The following PTPRD variants were observed in gnomAD, a reference collection of about 807,000 sequenced individuals.
PTPRD encodes protein tyrosine phosphatase receptor type D.
In PTPRD, 34 loss-of-function variants were observed where a neutral mutation model predicts 214.5. That is an observed-to-expected ratio of 0.16 (90% CI 0.12 to 0.21). The LOEUF (loss-of-function observed/expected upper bound fraction) is 0.21, where lower values mean the gene tolerates loss of function less well. Among genes scored for constraint, PTPRD ranks in the 10% least tolerant of loss-of-function variants. The pLI, the probability that PTPRD is intolerant of heterozygous loss-of-function variation, is 1.00. For synonymous variants in PTPRD, 1,128 were observed against 845.7 expected, an observed-to-expected ratio of 1.33 and a Z score of -5.79; for missense variants, 2,545 against 2,398.7, an observed-to-expected ratio of 1.06 and a Z score of -1.27.
At chr9:8,324,479 TTTTC>T (rs1293143533) in intron 44 of PTPRD, among the ~76,000 whole-genome samples, 1 of 152,214 alleles carries the variant, frequency 6.6e-6, no homozygotes, top group African/African-American at 2.4e-5. Flanking sequence ...ATGTGCCGCA[TTTTC>T]TTTATCCAAT....
At chr9:9,947,977 G>C (rs1045322012) in intron 4 of PTPRD, among the ~76,000 whole-genome samples, 1 of 151,766 alleles carries the variant, frequency 6.6e-6, no homozygotes, top group Non-Finnish European at 1.5e-5. Context: ...CTTGTTGCAG[G>C]AATATCCTGG....
At chr9:9,315,601 C>A (rs1347773612) in intron 9 of PTPRD, among the ~76,000 whole-genome samples, 1 of 151,654 alleles carries the variant, frequency 6.6e-6, no homozygotes, top group Non-Finnish European at 1.5e-5. Context: ...TTTTGATTCC[C>A]TAAATATACT....
At chr9:10,095,490 C>G (rs1009196222) in intron 3 of PTPRD, among the ~76,000 whole-genome samples, 2 of 151,474 alleles carry the variant, frequency 1.3e-5, no homozygotes, top group Admixed American at 6.6e-5. Context: ...GCAGTCTTAT[C>G]CCTTCTGATT....
intron 10 of PTPRD, among the ~76,000 whole-genome samples, chr9:9,067,035 G>C (rs1457905537): frequency 6.6e-6 from 1 of 152,190 alleles, no homozygotes; most frequent in Non-Finnish European, 1.5e-5. Context: ...CTGAGGTCAG[G>C]AGTTGGAGAC....
intron 8 of PTPRD, among the ~76,000 whole-genome samples, chr9:9,513,708 C>T (rs979629342): frequency 7.2e-5 from 11 of 151,844 alleles, no homozygotes; most frequent in Admixed American, 3.3e-4. Flanking sequence ...AGTAAACAAA[C>T]AGGTTTAGCC....
intron 2 of PTPRD, among the ~76,000 whole-genome samples, chr9:10,446,366 A>C (rs2098799161): frequency 6.7e-6 from 1 of 148,632 alleles, no homozygotes; most frequent in African/African-American, 2.5e-5. Context: ...TATAAGAACT[A>C]TTGAAGAGTA....
intron 12 of PTPRD, among the ~76,000 whole-genome samples, chr9:8,680,389 G>C (rs1398034857): frequency 1.3e-5 from 2 of 152,070 alleles, no homozygotes; most frequent in Admixed American, 1.3e-4. Context: ...CCACTCCCAG[G>C]ATATGTTTTC....
chr9:8,477,807 AG>A, intron 30 of PTPRD, among the ~76,000 whole-genome samples: 1 of 151,932 alleles, frequency 6.6e-6, no homozygotes, highest in South Asian at 2.1e-4. Flanking sequence ...CAATTGACCT[AG>A]GAAAAAAAAA....
intron 4 of PTPRD, among the ~76,000 whole-genome samples, chr9:9,996,947 A>G (rs79119056): frequency 0.015 from 2,357 of 152,332 alleles, 26 homozygotes; most frequent in Non-Finnish European, 0.024. Flanking sequence ...AACATTTAAC[A>G]AACCAGGAAG....
chr9:10,079,324 C>T (rs150539707), intron 3 of PTPRD, among the ~76,000 whole-genome samples: 1 of 152,138 alleles, frequency 6.6e-6, no homozygotes, highest in African/African-American at 2.4e-5. Flanking sequence ...CACTGTTGGC[C>T]ACGTATGCAG....
Position 8,610,295 on chromosome 9 carries a change from G to A in PTPRD, c.352+23022C>T, listed in dbSNP as rs184961832. On this transcript the variant is annotated intron_variant, in intron 14 of 45. Transcript: ENST00000381196. ...TTTTTTGTAAAGCACTTAGCATACT[G>A]TTCGGCACATATTAAATACTCAATA... is the stretch of plus-strand genomic sequence containing the variant. Among the ~76,000 whole-genome samples, 301 of 152,244 alleles carry A rather than the reference G, an allele frequency of 2.0e-3. 1 individual carries two copies. Among genetic ancestry groups the A allele is most frequent in the Non-Finnish European group, 2.9e-3 (198 of 68,018 alleles).
chr9:9,949,363 T>G (rs1219479766), intron 4 of PTPRD, among the ~76,000 whole-genome samples: 2 of 152,064 alleles, frequency 1.3e-5, no homozygotes, highest in South Asian at 2.1e-4. Context: ...TAACACCTTC[T>G]TAATTATTTG....
chr9:8,807,413 G>C (rs2096709198), intron 11 of PTPRD, among the ~76,000 whole-genome samples: 2 of 152,100 alleles, frequency 1.3e-5, no homozygotes, highest in Non-Finnish European at 2.9e-5. Flanking sequence ...ACAGACTCCA[G>C]CTTATTTGGA....
At chr9:9,830,530 G>C (rs557513180) in intron 5 of PTPRD, among the ~76,000 whole-genome samples, 4 of 151,882 alleles carry the variant, frequency 2.6e-5, no homozygotes, top group African/African-American at 9.6e-5. Flanking sequence ...TTAAAAACTT[G>C]TTAATTTTAT....
intron 11 of PTPRD, among the ~76,000 whole-genome samples, chr9:8,812,428 A>G (rs2096828287): frequency 6.6e-6 from 1 of 152,192 alleles, no homozygotes; most frequent in African/African-American, 2.4e-5. Flanking sequence ...CTAATTAAGA[A>G]TCCCCTGCTT....
rs10977171 is a variant in PTPRD, at chr9:8,518,052, G to C, written c.1339C>G (p.Gln447Glu). The part of the protein sequence containing the change: ...QWKEPEEPNG[Q>E]IQGYRVYYTM... ...TAATAAACTCTATATCCTTGGATCT[G>C]TCCATTTGGCTCTTCAGGTTCCTTC... is the stretch of plus-strand genomic sequence containing the variant. Residue 447 changes from glutamine to glutamate, a missense_variant, in exon 21 of 46, where the codon CAG (glutamine) becomes GAG (glutamate). By Grantham distance (29) the Gln-to-Glu change is conservative (BLOSUM62 2). Transcript: ENST00000381196. The C allele has an allele frequency of 0.044, 71,445 of 1,614,142 alleles. 1,993 individuals carry two copies. Among genetic ancestry groups the C allele is most frequent in the East Asian group, 0.12 (5,332 of 44,870 alleles).
intron 36 of PTPRD, among the ~76,000 whole-genome samples, chr9:8,403,373 A>G (rs150019148): frequency 1.3e-5 from 2 of 152,362 alleles, no homozygotes; most frequent in African/African-American, 4.8e-5. Flanking sequence ...TCAAGTATGA[A>G]GAGGCCATAA....
intron 3 of PTPRD, among the ~76,000 whole-genome samples, chr9:10,039,004 A>C (rs2097246676): frequency 6.6e-6 from 1 of 152,062 alleles, no homozygotes; most frequent in South Asian, 2.1e-4. Context: ...CTAGGTACAA[A>C]AATGTATGAC....
At chr9:8,601,909 T>C (rs193233862) in intron 14 of PTPRD, among the ~76,000 whole-genome samples, 1 of 152,180 alleles carries the variant, frequency 6.6e-6, no homozygotes, top group Admixed American at 6.5e-5. Flanking sequence ...GTACAAAAGG[T>C]ACACAACCAG....
Sources: gnomAD v4.1 joint callset for allele counts (sites outside exome capture counted in the v4.1 genomes callset) on GRCh38, gnomAD v4.1.1 for gene constraint, MANE v1.5 for transcripts, NCBI Gene and HGNC (gene_info 2026-07-23, HGNC 2026-07-21) for gene names.